GAS2: variants seen among roughly 807,000 people sequenced by gnomAD.
GAS2 encodes the protein growth arrest-specific protein 2.
In GAS2, 20 loss-of-function variants were observed where a neutral mutation model predicts 37.5. The ratio of observed to expected loss-of-function variants is 0.53; its 90% CI spans 0.37 to 0.77. The LOEUF is 0.77. GAS2 is among the 30% of genes least tolerant of loss of function. The pLI is 0.00. For missense variants in GAS2, 336 were observed against 373.4 expected, an observed-to-expected ratio of 0.90 and a Z score of 0.82; for synonymous variants, 144 against 132.2, an observed-to-expected ratio of 1.09 and a Z score of -0.61.
intron 5 of GAS2, among the ~76,000 whole-genome samples, chr11:22,746,077 A>G (rs150805147): frequency 0.014 from 2,108 of 152,216 alleles, 57 homozygotes; most frequent in African/African-American, 0.048. Context: ...AGCTACTCAG[A>G]GGGCTGAGGT....
intron 3 of GAS2, 113 bp downstream of exon 3, chr11:22,685,902 C>T (rs1207402814): frequency 2.1e-6 from 2 of 962,630 alleles, no homozygotes; most frequent in Non-Finnish European, 2.9e-6. Context: ...AAGGTCTATA[C>T]TAACAACAAA....
intron 1 of GAS2, among the ~76,000 whole-genome samples, chr11:22,631,682 G>A (rs1245584097): frequency 2.6e-5 from 4 of 152,046 alleles, no homozygotes; most frequent in African/African-American, 9.7e-5. Context: ...ACTTGATCAT[G>A]ATGAATTATC....
At chr11:22,642,725 T>C (rs868020585) in intron 1 of GAS2, among the ~76,000 whole-genome samples, 4 of 152,294 alleles carry the variant, frequency 2.6e-5, no homozygotes, top group Middle Eastern at 3.4e-3. Context: ...TTACACGGAA[T>C]GTAAAGAACA....
chr11:22,696,877 C>G (rs1378875761), intron 3 of GAS2, among the ~76,000 whole-genome samples: 10 of 149,194 alleles, frequency 6.7e-5, no homozygotes, highest in East Asian at 2.0e-4. Context: ...CGAAAATTTT[C>G]TCCCATTTTG....
chr11:22,775,778 C>T (rs1306575797), intron 7 of GAS2, among the ~76,000 whole-genome samples: 1 of 151,980 alleles, frequency 6.6e-6, no homozygotes, highest in South Asian at 2.1e-4. Flanking sequence ...AATTTGTTAC[C>T]CTAAGCTCTT....
chr11:22,786,090 CACAA>C (rs919164521), intron 7 of GAS2, among the ~76,000 whole-genome samples: 17 of 152,170 alleles, frequency 1.1e-4, no homozygotes, highest in African/African-American at 3.4e-4. Flanking sequence ...TCTATCTGTC[CACAA>C]ACAGATTCTG....
chr11:22,626,749 A>C (rs1247046407), intron 1 of GAS2: 1 of 152,190 alleles, frequency 6.6e-6, no homozygotes, highest in Non-Finnish European at 1.5e-5. Flanking sequence ...CTATTCGAAA[A>C]GTGGGGGAAG....
At chr11:22,703,973 G>T (rs1246863218) in intron 3 of GAS2, among the ~76,000 whole-genome samples, 2 of 152,086 alleles carry the variant, frequency 1.3e-5, no homozygotes, top group Non-Finnish European at 2.9e-5. Flanking sequence ...GTGGTAATTT[G>T]CATATCTTGA....
At chr11:22,646,655 G>C (rs1848698516) in intron 1 of GAS2, among the ~76,000 whole-genome samples, 1 of 152,138 alleles carries the variant, frequency 6.6e-6, no homozygotes, top group South Asian at 2.1e-4. Context: ...TAGAAACAGA[G>C]AGCCATATGA....
intron 1 of GAS2, among the ~76,000 whole-genome samples, chr11:22,652,180 G>A (rs187876937): frequency 2.4e-4 from 36 of 152,296 alleles, no homozygotes; most frequent in African/African-American, 6.3e-4. Flanking sequence ...GTACCCGGCC[G>A]TGTGAGGTGT....
At chr11:22,644,983 C>A (rs1405522247) in intron 1 of GAS2, among the ~76,000 whole-genome samples, 1 of 152,096 alleles carries the variant, frequency 6.6e-6, no homozygotes, top group African/African-American at 2.4e-5. Flanking sequence ...GTTGACATAA[C>A]TAGAATTTTC....
chr11:22,680,997 C>T (rs1343471681), intron 2 of GAS2, among the ~76,000 whole-genome samples: 1 of 152,080 alleles, frequency 6.6e-6, no homozygotes, highest in Non-Finnish European at 1.5e-5. Flanking sequence ...CTTGAGAAGA[C>T]TCAATACATG....
At position 22,728,977 on chromosome 11, in the gene GAS2, T is replaced by C. The variant is rs115626807; in HGVS notation, c.409+2544T>C. 9.6e-4 allele frequency among the ~76,000 whole-genome samples: 145 copies of C among 151,352 alleles called. 1 individual carries two copies. Among genetic ancestry groups the C allele is most frequent in the African/African-American group, 3.3e-3 (135 of 41,342 alleles). Reference sequence around the variant, plus strand: ...TGACTTTCTTGCAACAATAACACTGTGTCCTCTGCTTGATGTCTTTTCACA... The same window carrying C: ...TGACTTTCTTGCAACAATAACACTGCGTCCTCTGCTTGATGTCTTTTCACA... On this transcript the variant is annotated intron_variant, in intron 4 of 7. Coordinates refer to ENST00000454584, the MANE Select transcript of GAS2 (RefSeq NM_001143830.3).
chr11:22,748,335 A>G (rs1347935031), intron 5 of GAS2, among the ~76,000 whole-genome samples: 1 of 152,004 alleles, frequency 6.6e-6, no homozygotes, highest in East Asian at 1.9e-4. Flanking sequence ...TAGAATTATT[A>G]TTGGCCTCCC....
intron 7 of GAS2, among the ~76,000 whole-genome samples, chr11:22,763,616 T>C (rs374232359): frequency 2.6e-4 from 37 of 143,902 alleles, no homozygotes; most frequent in African/African-American, 6.5e-4. Flanking sequence ...AAAATACACA[T>C]ACACACACAC....
intron 1 of GAS2, among the ~76,000 whole-genome samples, chr11:22,627,133 T>A (rs1280264018): frequency 6.6e-6 from 1 of 152,204 alleles, no homozygotes. Context: ...TCTTACTTGG[T>A]CCTGAAATCG....
chr11:22,639,302 T>G (rs915650103), intron 1 of GAS2, among the ~76,000 whole-genome samples: 2 of 152,180 alleles, frequency 1.3e-5, no homozygotes, highest in Admixed American at 1.3e-4. Context: ...AGGTTTCAGA[T>G]AAAAATAAGC....
At chr11:22,786,412 G>T (rs1481817105) in intron 7 of GAS2, among the ~76,000 whole-genome samples, 1 of 152,054 alleles carries the variant, frequency 6.6e-6, no homozygotes, top group Admixed American at 6.6e-5. Flanking sequence ...GTCCTCCTAT[G>T]TCCATTAATC....
chr11:22,715,460 CAAAAAAAA>C (rs1192862614), intron 3 of GAS2, among the ~76,000 whole-genome samples: 1 of 41,768 alleles, frequency 2.4e-5, no homozygotes, highest in African/African-American at 1.3e-4. Context: ...GACTCTGTCT[CAAAAAAAA>C]AAAAAAAAAA....
Sources: gnomAD v4.1 joint callset for allele counts (sites outside exome capture counted in the v4.1 genomes callset) on GRCh38, gnomAD v4.1.1 for gene constraint, MANE v1.5 for transcripts, NCBI Gene and HGNC (gene_info 2026-07-23, HGNC 2026-07-21) for gene names.